The following RBFOX1 variants were observed in gnomAD, a reference collection of about 807,000 sequenced individuals.
RBFOX1 encodes RNA binding fox-1 homolog 1.
RBFOX1 carries 8 observed loss-of-function variants against 57.7 expected under a neutral mutation model. The observed-to-expected ratio is 0.14, with a 90% CI of 0.08 to 0.25. The LOEUF (loss-of-function observed/expected upper bound fraction) is 0.25, where lower values mean the gene tolerates loss of function less well. Among genes scored for constraint, RBFOX1 ranks in the 10% least tolerant of loss-of-function variants. The pLI is 1.00. For missense variants in RBFOX1, 611 were observed against 548.5 expected (o/e 1.11, Z -1.14); for synonymous variants, 326 against 222.4 (o/e 1.47, Z -4.15).
At chr16:7,199,792 G>T (rs1179742911) in intron 4 of RBFOX1, among the ~76,000 whole-genome samples, 2 of 152,160 alleles carry the variant, frequency 1.3e-5, no homozygotes, top group Non-Finnish European at 2.9e-5. Flanking sequence ...TTGCTCAGGA[G>T]GCTGAGACCC....
At chr16:6,253,081 C>G (rs1354734974) in intron 1 of RBFOX1, among the ~76,000 whole-genome samples, 1 of 152,152 alleles carries the variant, frequency 6.6e-6, no homozygotes, top group African/African-American at 2.4e-5. Flanking sequence ...ATCTCTCCTT[C>G]TTGATCTATA....
intron 3 of RBFOX1, among the ~76,000 whole-genome samples, chr16:6,941,746 AACTAT>A (rs1322524535): frequency 2.6e-5 from 4 of 152,172 alleles, no homozygotes; most frequent in Admixed American, 2.0e-4. Flanking sequence ...AGAATGTGGT[AACTAT>A]ACCAAGCAAG....
chr16:7,583,689 C>A (rs751163280), intron 6 of RBFOX1, among the ~76,000 whole-genome samples: 14 of 152,062 alleles, frequency 9.2e-5, no homozygotes, highest in Non-Finnish European at 1.5e-4. Context: ...AAAATACAGA[C>A]CCTCTTGGCC....
intron 2 of RBFOX1, among the ~76,000 whole-genome samples, chr16:6,516,073 A>G (rs2096371981): frequency 6.6e-6 from 1 of 151,988 alleles, no homozygotes; most frequent in Non-Finnish European, 1.5e-5. Flanking sequence ...CCAATCCCGG[A>G]GCTGGAGTGC....
intron 2 of RBFOX1, among the ~76,000 whole-genome samples, chr16:6,457,266 G>GAA (rs978303294): frequency 1.3e-5 from 2 of 152,134 alleles, no homozygotes; most frequent in African/African-American, 4.8e-5. Flanking sequence ...GAAGCAAAAG[G>GAA]AAAACTACGT....
intron 3 of RBFOX1, among the ~76,000 whole-genome samples, chr16:6,963,899 T>C (rs961658758): frequency 1.2e-4 from 18 of 151,980 alleles, no homozygotes; most frequent in Non-Finnish European, 2.5e-4. Context: ...GGGATTTCAC[T>C]GTGTTAGCCA....
At chr16:5,807,168 A>G (rs942724672) in intron 3 of RBFOX1, among the ~76,000 whole-genome samples, 2 of 152,090 alleles carry the variant, frequency 1.3e-5, no homozygotes, top group Non-Finnish European at 1.5e-5. Context: ...AACCTCTCAG[A>G]GCCTTCTTTT....
chr16:7,592,625 G>C (rs2094501926), intron 7 of RBFOX1, among the ~76,000 whole-genome samples: 1 of 152,108 alleles, frequency 6.6e-6, no homozygotes, highest in Non-Finnish European at 1.5e-5. Flanking sequence ...TCGTTTCTCT[G>C]ATTCTTTTTG....
At chr16:5,961,608 C>G (rs2059750803) in intron 4 of RBFOX1, among the ~76,000 whole-genome samples, 1 of 152,178 alleles carries the variant, frequency 6.6e-6, no homozygotes, top group East Asian at 1.9e-4. Context: ...CAGCCTCAAC[C>G]TCCCCAGTTC....
chr16:6,991,161 A>AAAAAAC (rs1271872183), intron 3 of RBFOX1, among the ~76,000 whole-genome samples: 1,750 of 139,912 alleles, frequency 0.013, 85 homozygotes, highest in South Asian at 0.034. Flanking sequence ...AAAAAAAAAA[A>AAAAAAC]AGACACGGTG....
chr16:7,121,059 A>G (rs185223857), intron 4 of RBFOX1, among the ~76,000 whole-genome samples: 155 of 152,134 alleles, frequency 1.0e-3, no homozygotes, highest in African/African-American at 3.2e-3. Context: ...AACAAAAGCT[A>G]ATCTACATTG....
intron 1 of RBFOX1, among the ~76,000 whole-genome samples, chr16:5,247,917 C>A (rs956161334): frequency 2.0e-5 from 3 of 152,174 alleles, no homozygotes; most frequent in African/African-American, 4.8e-5. Context: ...GTATCAGGGG[C>A]ACAACCCAGG....
At position 6,483,079 on chromosome 16, in the gene RBFOX1, C is replaced by T. The variant is rs1489424806; in HGVS notation, c.-64+166022C>T. 2.8e-5 allele frequency: 27 copies of T among 960,210 alleles called. No homozygotes were observed. In the East Asian group the frequency reaches 5.6e-4, roughly 20 times the overall value. The allele number at this position is 960,210 out of a possible 1,614,324, so 59.5% of individuals were successfully genotyped here. A position where few individuals can be genotyped will look rare whatever the true frequency, so the allele number is the denominator to read the frequency against. ...CAGCCAGCTCGGAGCTTTGCAAGTG[C>T]CTCCGACCCGTAGGGGCGGGACCCA... On this transcript the variant is annotated intron_variant, in intron 2 of 15. Transcript: ENST00000550418.
intron 1 of RBFOX1, among the ~76,000 whole-genome samples, chr16:6,110,788 T>G (rs577963582): frequency 6.6e-6 from 1 of 152,168 alleles, no homozygotes; most frequent in Non-Finnish European, 1.5e-5. Flanking sequence ...ATTTCACTGC[T>G]GCAACCAGGG....
intron 3 of RBFOX1, among the ~76,000 whole-genome samples, chr16:7,006,858 C>T (rs916574226): frequency 2.0e-5 from 3 of 152,196 alleles, no homozygotes; most frequent in Non-Finnish European, 4.4e-5. Flanking sequence ...CACTTTGAAC[C>T]CTGCCATTTT....
At chr16:5,898,638 G>T (rs1017237067) in intron 4 of RBFOX1, among the ~76,000 whole-genome samples, 3 of 152,002 alleles carry the variant, frequency 2.0e-5, no homozygotes, top group Non-Finnish European at 4.4e-5. Context: ...GCCCAGAGAG[G>T]TTGTCCAAAA....
intron 3 of RBFOX1, among the ~76,000 whole-genome samples, chr16:6,699,246 C>T (rs1289339556): frequency 6.6e-6 from 1 of 151,702 alleles, no homozygotes; most frequent in African/African-American, 2.4e-5. Context: ...CTTGAACTCT[C>T]TTCACGTTCA....
At chr16:5,311,167 T>C (rs559942999) in intron 1 of RBFOX1, among the ~76,000 whole-genome samples, 24 of 152,316 alleles carry the variant, frequency 1.6e-4, no homozygotes, top group African/African-American at 5.5e-4. Context: ...CAAAAGACAT[T>C]ATTTCATTCT....
intron 3 of RBFOX1, among the ~76,000 whole-genome samples, chr16:5,654,137 G>T (rs760054617): frequency 6.6e-6 from 1 of 152,198 alleles, no homozygotes; most frequent in Non-Finnish European, 1.5e-5. Flanking sequence ...TGCACCTGCT[G>T]TGTCAGTCTG....
Sources: allele counts gnomAD v4.1 joint callset (sites outside exome capture counted in the v4.1 genomes callset), GRCh38; gene constraint gnomAD v4.1.1; transcripts MANE v1.5; gene names NCBI Gene and HGNC (gene_info 2026-07-23, HGNC 2026-07-21).